The following SHISA9 variants were observed in gnomAD, a reference collection of about 807,000 sequenced individuals.
SHISA9 encodes the protein shisa family member 9.
A neutral mutation model predicts 38.0 loss-of-function variants in SHISA9; 13 were observed. The ratio of observed to expected loss-of-function variants is 0.34; its 90% CI spans 0.22 to 0.54. SHISA9 has a LOEUF of 0.54. Ranked by LOEUF, SHISA9 falls within the 20% of genes least tolerant of loss-of-function variation. The probability of loss-of-function intolerance (pLI) is 0.91; values close to 1 mark genes in which losing one functional copy is unlikely to be tolerated. For synonymous variants in SHISA9, 275 were observed against 242.0 expected, an observed-to-expected ratio of 1.14 and a Z score of -1.27; for missense variants, 538 against 575.8, an observed-to-expected ratio of 0.93 and a Z score of 0.67.
At chr16:13,459,347 G>A in the SHISA9 span, among the ~76,000 whole-genome samples, 1 of 151,926 alleles carries the variant, frequency 6.6e-6, no homozygotes, top group Non-Finnish European at 1.5e-5. Context: ...GGAGGAGGGT[G>A]GTATAGAGAT....
the SHISA9 span, among the ~76,000 whole-genome samples, chr16:13,474,525 G>T: frequency 6.6e-6 from 1 of 152,168 alleles, no homozygotes; most frequent in Non-Finnish European, 1.5e-5. Context: ...TGAATTATTA[G>T]AACTGTTCTA....
At chr16:13,169,216 C>A (rs748445960) in intron 2 of SHISA9, among the ~76,000 whole-genome samples, 4 of 152,176 alleles carry the variant, frequency 2.6e-5, no homozygotes, top group Non-Finnish European at 4.4e-5. Flanking sequence ...CAGTGCAGCC[C>A]TTTTCCGGGG....
chr16:13,417,785 G>A, the SHISA9 span, among the ~76,000 whole-genome samples: 2 of 152,194 alleles, frequency 1.3e-5, no homozygotes, highest in African/African-American at 4.8e-5. Context: ...TTCCCTAAGT[G>A]GAGACAATGG....
At chr16:13,028,034 C>T (rs1035247859) in intron 2 of SHISA9, among the ~76,000 whole-genome samples, 19 of 149,258 alleles carry the variant, frequency 1.3e-4, no homozygotes, top group African/African-American at 3.7e-4. Flanking sequence ...AAAAGGTAGA[C>T]GGTGGCTGCT....
At chr16:13,166,749 T>G (rs1437037851) in intron 2 of SHISA9, among the ~76,000 whole-genome samples, 2 of 152,178 alleles carry the variant, frequency 1.3e-5, no homozygotes, top group Non-Finnish European at 2.9e-5. Context: ...GGGAAGGTAC[T>G]GGTGATCTTC....
chr16:13,019,454 G>T (rs975213856), intron 2 of SHISA9, among the ~76,000 whole-genome samples: 1 of 151,798 alleles, frequency 6.6e-6, no homozygotes, highest in Admixed American at 6.6e-5. Context: ...GCTCTCTGGC[G>T]TCTCTTTTTT....
At chr16:12,970,370 C>CATATATGT (rs1378598570) in intron 2 of SHISA9, among the ~76,000 whole-genome samples, 10 of 55,710 alleles carry the variant, frequency 1.8e-4, no homozygotes, top group African/African-American at 4.0e-4. Context: ...TATATATATA[C>CATATATGT]ATATATATAT....
intron 3 of SHISA9, among the ~76,000 whole-genome samples, chr16:13,204,303 C>T (rs1037860689): frequency 2.0e-5 from 3 of 152,000 alleles, no homozygotes; most frequent in African/African-American, 7.3e-5. Flanking sequence ...GACCAGAGAC[C>T]CTCAGCTGCT....
In SHISA9 at chr16:13,156,562, G is replaced by A. The variant is rs1294094842; in HGVS notation, c.692-46832G>A. 8.6e-5 allele frequency among the ~76,000 whole-genome samples: 13 copies of A among 151,690 alleles called. 1 individual carries two copies. The highest frequency in any genetic ancestry group is 1.9e-4 in the African/African-American group (8 of 41,230). On this transcript the variant is annotated intron_variant, in intron 2 of 4. Transcript: ENST00000558583. ...ATCTTGGCTAACATGGTGAAACCCCGTCTCTACTAACAATACAAAAAATTA... is the reference window on the plus strand; with the variant it reads ...ATCTTGGCTAACATGGTGAAACCCCATCTCTACTAACAATACAAAAAATTA...
chr16:13,356,890 T>C, the SHISA9 span, among the ~76,000 whole-genome samples: 5 of 152,172 alleles, frequency 3.3e-5, no homozygotes, highest in African/African-American at 4.8e-5. Context: ...TCTGGCTATT[T>C]GGAACTACCG....
intron 2 of SHISA9, among the ~76,000 whole-genome samples, chr16:13,032,694 AC>A (rs1407582578): frequency 3.3e-5 from 5 of 152,308 alleles, no homozygotes; most frequent in African/African-American, 1.2e-4. Flanking sequence ...TTTCTATTAC[AC>A]TTTCTATTAT....
At chr16:13,180,961 T>C (rs1433077585) in intron 2 of SHISA9, among the ~76,000 whole-genome samples, 2 of 152,002 alleles carry the variant, frequency 1.3e-5, no homozygotes, top group African/African-American at 4.8e-5. Context: ...ATTCACTATT[T>C]TTTTTCATCC....
chr16:12,917,431 G>A (rs970985317), intron 2 of SHISA9, among the ~76,000 whole-genome samples: 8 of 151,820 alleles, frequency 5.3e-5, no homozygotes, highest in African/African-American at 1.7e-4. Flanking sequence ...CAGCAAATTC[G>A]TTTCCATTGT....
intron 2 of SHISA9, among the ~76,000 whole-genome samples, chr16:13,058,929 G>A (rs2073341590): frequency 2.0e-5 from 3 of 152,190 alleles, no homozygotes; most frequent in Middle Eastern, 3.4e-3. Flanking sequence ...CACGTGATGA[G>A]TGTGGGTTTG....
chr16:13,322,118 C>T, the SHISA9 span, among the ~76,000 whole-genome samples: 5 of 152,278 alleles, frequency 3.3e-5, no homozygotes, highest in East Asian at 1.9e-4. Context: ...TTGCCAGCTA[C>T]GTAGTATATT....
At chr16:13,379,428 A>T in the SHISA9 span, among the ~76,000 whole-genome samples, 2 of 152,148 alleles carry the variant, frequency 1.3e-5, no homozygotes, top group Non-Finnish European at 2.9e-5. Flanking sequence ...TTTCACGAAG[A>T]AGGAGCAACT....
At chr16:13,343,577 C>T in the SHISA9 span, among the ~76,000 whole-genome samples, 1 of 152,032 alleles carries the variant, frequency 6.6e-6, no homozygotes, top group Non-Finnish European at 1.5e-5. Context: ...AGGACTTGGT[C>T]TGGGAGGAAA....
chr16:13,507,720 G>T, the SHISA9 span, among the ~76,000 whole-genome samples: 24 of 152,248 alleles, frequency 1.6e-4, no homozygotes, highest in African/African-American at 5.5e-4. Flanking sequence ...TACAGAGACT[G>T]CCAGCCCTGA....
rs148088145 is a variant in SHISA9, at chr16:13,200,409, A to AACACACACACACACACAC, written c.692-2969_692-2952dup. Among the ~76,000 whole-genome samples, 667 of 136,558 alleles carry AACACACACACACACACAC rather than the reference A, an allele frequency of 4.9e-3. 8 individuals are homozygous for AACACACACACACACACAC. The highest frequency in any genetic ancestry group is 9.2e-3 in the African/African-American group (309 of 33,744). The allele number at this position is 136,558 out of a possible 152,430, so 89.6% of individuals were successfully genotyped here. ...CTATCCACCAAAAAATATATCATGA[A>AACACACACACACACACAC]ACACACACACACACACACACACACA... On this transcript the variant is annotated intron_variant, in intron 2 of 4. Coordinates refer to ENST00000558583, the MANE Select transcript of SHISA9 (RefSeq NM_001145204.3).
Sources: gnomAD v4.1 joint callset for allele counts (sites outside exome capture counted in the v4.1 genomes callset) on GRCh38, gnomAD v4.1.1 for gene constraint, MANE v1.5 for transcripts, NCBI Gene and HGNC (gene_info 2026-07-23, HGNC 2026-07-21) for gene names.